The following STPG2 variants were observed in gnomAD, a reference collection of about 807,000 sequenced individuals.
STPG2 encodes the protein sperm tail PG-rich repeat containing 2, also known as sperm-tail PG-rich repeat-containing protein 2.
STPG2 carries 56 observed loss-of-function variants against 54.2 expected under a neutral mutation model. That is an observed-to-expected ratio of 1.03 (90% CI 0.83 to 1.29). The LOEUF (loss-of-function observed/expected upper bound fraction) is 1.29, where lower values mean the gene tolerates loss of function less well. Ranked by LOEUF, STPG2 falls within the 50% of genes most tolerant of loss-of-function variation. STPG2 has a pLI of 0.00. For synonymous variants in STPG2, 200 were observed against 181.8 expected, an observed-to-expected ratio of 1.10 and a Z score of -0.81; for missense variants, 596 against 544.9, an observed-to-expected ratio of 1.09 and a Z score of -0.93.
chr4:97,592,135 A>C (rs1311661546), intron 10 of STPG2, among the ~76,000 whole-genome samples: 2 of 152,190 alleles, frequency 1.3e-5, no homozygotes, highest in African/African-American at 4.8e-5. Context: ...TAATAAATAT[A>C]ATTAACACTT....
At chr4:97,796,758 G>A (rs949956780) in intron 9 of STPG2, among the ~76,000 whole-genome samples, 2 of 152,152 alleles carry the variant, frequency 1.3e-5, no homozygotes, top group African/African-American at 4.8e-5. Flanking sequence ...GTAGCTTGAT[G>A]GGGATGGCAT....
intron 1 of STPG2, among the ~76,000 whole-genome samples, chr4:98,141,923 C>T (rs10461134): frequency 4.4e-5 from 6 of 136,570 alleles, no homozygotes; most frequent in Non-Finnish European, 9.1e-5. Context: ...CCCAGACACT[C>T]TTCCAAGACA....
chr4:97,981,341 G>A, intron 5 of STPG2, 23 bp from the exon 6 acceptor site: 1 of 1,612,042 alleles, frequency 6.2e-7, no homozygotes, highest in South Asian at 1.1e-5. Context: ...AGGAAAATAT[G>A]CCAATAAGAA....
chr4:97,816,499 A>C (rs1727914903), intron 9 of STPG2, among the ~76,000 whole-genome samples: 1 of 152,206 alleles, frequency 6.6e-6, no homozygotes, highest in African/African-American at 2.4e-5. Context: ...TCCCACCAAC[A>C]GTGTAAAAGC....
intron 10 of STPG2, among the ~76,000 whole-genome samples, chr4:97,654,701 C>G (rs1722170469): frequency 6.6e-6 from 1 of 151,482 alleles, no homozygotes; most frequent in Admixed American, 6.6e-5. Context: ...GAAGAGCGGC[C>G]AGAACACAAC....
At chr4:97,513,237 C>G (rs955443694) in intron 4 of STPG2, among the ~76,000 whole-genome samples, 1 of 152,128 alleles carries the variant, frequency 6.6e-6, no homozygotes, top group African/African-American at 2.4e-5. Context: ...AAGGGGCAGA[C>G]AGCTTTCATG....
At chr4:97,570,340 C>G (rs1054251907) in intron 10 of STPG2, among the ~76,000 whole-genome samples, 33 of 152,074 alleles carry the variant, frequency 2.2e-4, no homozygotes, top group Non-Finnish European at 4.4e-5. Flanking sequence ...ACTAAAATTT[C>G]AAGGCATTGG....
chr4:97,979,773 G>A lies in STPG2; in HGVS notation c.772+1386C>T, dbSNP rs553702311. Among the ~76,000 whole-genome samples the A allele has an allele frequency of 8.3e-4, 124 of 149,360 alleles. 6 individuals are homozygous for A. The highest frequency in any genetic ancestry group is 7.9e-3 in the Admixed American group (118 of 14,942). On this transcript the variant is annotated intron_variant, in intron 6 of 10. Transcript: ENST00000295268. Reference sequence around the variant, plus strand: ...CGGAGTCTTGCTCTGTTGCCAGGCTGGAGTGCAGTGGCACTATCTCGGCTC... The same window carrying A: ...CGGAGTCTTGCTCTGTTGCCAGGCTAGAGTGCAGTGGCACTATCTCGGCTC...
chr4:97,793,058 G>A (rs767228814), intron 9 of STPG2, among the ~76,000 whole-genome samples: 1 of 151,962 alleles, frequency 6.6e-6, no homozygotes, highest in Admixed American at 6.6e-5. Flanking sequence ...GGACGCTGAG[G>A]CAGGAGAATC....
chr4:98,099,198 A>G (rs1738950776), intron 5 of STPG2, among the ~76,000 whole-genome samples: 1 of 152,216 alleles, frequency 6.6e-6, no homozygotes, highest in African/African-American at 2.4e-5. Context: ...AGTAGCTAAG[A>G]TTTGGGAGCA....
At chr4:98,067,025 A>C (rs1227462986) in intron 5 of STPG2, among the ~76,000 whole-genome samples, 1 of 152,178 alleles carries the variant, frequency 6.6e-6, no homozygotes. Flanking sequence ...AATTAAAACA[A>C]CACATCGAGA....
intron 4 of STPG2, among the ~76,000 whole-genome samples, chr4:97,552,812 T>A (rs1246776156): frequency 2.0e-5 from 3 of 152,122 alleles, no homozygotes; most frequent in Non-Finnish European, 4.4e-5. Context: ...TTTTTTCAAG[T>A]TCTCAATGCA....
At chr4:97,679,807 G>C (rs574774844) in intron 10 of STPG2, among the ~76,000 whole-genome samples, 13 of 152,256 alleles carry the variant, frequency 8.5e-5, no homozygotes, top group African/African-American at 3.1e-4. Context: ...TTTTGTATAA[G>C]GTGTAAGGAA....
At chr4:97,872,793 C>T (rs185407256) in intron 8 of STPG2, among the ~76,000 whole-genome samples, 1 of 151,226 alleles carries the variant, frequency 6.6e-6, no homozygotes, top group Admixed American at 6.6e-5. Context: ...ACAATTATTA[C>T]TTAATTTTGA....
At chr4:97,636,684 C>A (rs1404742874) in intron 10 of STPG2, among the ~76,000 whole-genome samples, 4 of 152,114 alleles carry the variant, frequency 2.6e-5, no homozygotes, top group African/African-American at 9.7e-5. Context: ...CACAGAAATA[C>A]AAACTACCAT....
intron 6 of STPG2, among the ~76,000 whole-genome samples, chr4:97,974,643 T>C (rs1734443874): frequency 6.6e-6 from 1 of 151,970 alleles, no homozygotes; most frequent in African/African-American, 2.4e-5. Context: ...CAAGATCTAA[T>C]GGTTTTAAAA....
chr4:97,906,504 T>C (rs1383452937), intron 8 of STPG2, among the ~76,000 whole-genome samples: 1 of 152,162 alleles, frequency 6.6e-6, no homozygotes, highest in African/African-American at 2.4e-5. Context: ...GAATCCTCCC[T>C]AACTCATTTT....
intron 5 of STPG2, among the ~76,000 whole-genome samples, chr4:98,032,547 T>C (rs1736630287): frequency 6.6e-6 from 1 of 151,904 alleles, no homozygotes; most frequent in Non-Finnish European, 1.5e-5. Flanking sequence ...GACAGAAAAT[T>C]AACAACAATA....
intron 5 of STPG2, among the ~76,000 whole-genome samples, chr4:98,059,145 A>T (rs375802832): frequency 6.6e-6 from 1 of 152,128 alleles, no homozygotes; most frequent in South Asian, 2.1e-4. Context: ...AAACATAATT[A>T]AAAATGATGA....
Sources: allele counts gnomAD v4.1 joint callset (sites outside exome capture counted in the v4.1 genomes callset), GRCh38; gene constraint gnomAD v4.1.1; transcripts MANE v1.5; gene names NCBI Gene and HGNC (gene_info 2026-07-23, HGNC 2026-07-21).